GTF2F2: variants seen among roughly 807,000 people sequenced by gnomAD.
The protein encoded by GTF2F2 is general transcription factor IIF subunit 2.
In GTF2F2, 23 loss-of-function variants were observed where a neutral mutation model predicts 42.2. The observed-to-expected ratio is 0.55, with a 90% confidence interval of 0.39 to 0.77. The LOEUF is 0.77. Ranked by LOEUF, GTF2F2 falls within the 30% of genes least tolerant of loss-of-function variation. The pLI is 0.00. For synonymous variants in GTF2F2, 105 were observed against 100.8 expected, an observed-to-expected ratio of 1.04 and a Z score of -0.25; for missense variants, 261 against 287.2, an observed-to-expected ratio of 0.91 and a Z score of 0.66.
At chr13:45,220,561 G>A (rs894019329) in intron 5 of GTF2F2, among the ~76,000 whole-genome samples, 1 of 151,908 alleles carries the variant, frequency 6.6e-6, no homozygotes, top group Non-Finnish European at 1.5e-5. Flanking sequence ...GTGGAGGGAG[G>A]GCTCCCAGGC....
intron 4 of GTF2F2, among the ~76,000 whole-genome samples, chr13:45,204,581 C>G (rs1406430171): frequency 1.3e-5 from 2 of 152,088 alleles, no homozygotes; most frequent in Non-Finnish European, 2.9e-5. Context: ...AAATCTTAAG[C>G]AGTATTTTGA....
chr13:45,226,577 C>G (rs1210496548), intron 5 of GTF2F2, among the ~76,000 whole-genome samples: 3 of 151,950 alleles, frequency 2.0e-5, no homozygotes, highest in African/African-American at 7.2e-5. Flanking sequence ...CATTATTGTT[C>G]TTCTGTTTAA....
intron 5 of GTF2F2, among the ~76,000 whole-genome samples, chr13:45,233,998 T>C (rs1381313432): frequency 2.0e-5 from 3 of 152,168 alleles, no homozygotes; most frequent in Admixed American, 2.0e-4. Flanking sequence ...TGAATCAACC[T>C]CATCGTCTCC....
In GTF2F2 at chr13:45,267,383, A is replaced by G. The variant is rs757247090; in HGVS notation, c.630+7A>G. ...CATCACAAAGCAACCTGTGGTATGT[A>G]TATGTTCATACTGATCCTTTGAATA... On this transcript the variant is annotated splice_region_variant and intron_variant, in intron 7 of 7. Coordinates refer to ENST00000340473, the MANE Select transcript of GTF2F2 (RefSeq NM_004128.3). 25 of 1,582,592 alleles carry G rather than the reference A, an allele frequency of 1.6e-5. No homozygotes were observed. The highest frequency in any genetic ancestry group is 2.1e-5 in the Non-Finnish European group (24 of 1,156,884).
At chr13:45,280,376 T>A (rs1014266900) in intron 7 of GTF2F2, among the ~76,000 whole-genome samples, 12 of 152,234 alleles carry the variant, frequency 7.9e-5, no homozygotes, top group Non-Finnish European at 1.6e-4. Flanking sequence ...GATTTTCCCT[T>A]CAGAGACCTT....
chr13:45,237,578 A>T (rs1158150872), intron 5 of GTF2F2, among the ~76,000 whole-genome samples: 4 of 152,196 alleles, frequency 2.6e-5, no homozygotes, highest in African/African-American at 9.6e-5. Context: ...TTCTGTTATA[A>T]TTCTCATTGT....
rs1240740297 is a variant in GTF2F2, at chr13:45,144,088, C to T, written c.141-5682C>T. Among the ~76,000 whole-genome samples, 8 of 152,048 alleles carry T rather than the reference C, an allele frequency of 5.3e-5. 1 individual carries two copies. The highest frequency in any genetic ancestry group is 1.9e-4 in the African/African-American group (8 of 41,474). ...CCAACGTGGTGAAACCCCGTCTCTA[C>T]TAAAAATACAAAAATTAGCCAGATG... On this transcript the variant is annotated intron_variant, in intron 2 of 7. Coordinates refer to ENST00000340473, the MANE Select transcript of GTF2F2 (RefSeq NM_004128.3).
At chr13:45,133,965 AC>A (rs1422164684) in intron 1 of GTF2F2, among the ~76,000 whole-genome samples, 1 of 152,190 alleles carries the variant, frequency 6.6e-6, no homozygotes, top group Non-Finnish European at 1.5e-5. Context: ...CCACAAAAGT[AC>A]TAAGGAGAGA....
chr13:45,199,869 G>A (rs1466285888), intron 4 of GTF2F2, among the ~76,000 whole-genome samples: 7 of 152,162 alleles, frequency 4.6e-5, no homozygotes, highest in African/African-American at 1.7e-4. Context: ...ATCTGCTTGT[G>A]TCTTCAGTGA....
chr13:45,161,363 T>C (rs1871026684), intron 4 of GTF2F2, among the ~76,000 whole-genome samples: 1 of 152,188 alleles, frequency 6.6e-6, no homozygotes, highest in African/African-American at 2.4e-5. Context: ...CTTTGAAGAA[T>C]GCTAATTTAG....
At chr13:45,152,902 A>C (rs1463643014) in intron 4 of GTF2F2, among the ~76,000 whole-genome samples, 3 of 152,254 alleles carry the variant, frequency 2.0e-5, no homozygotes, top group Non-Finnish European at 4.4e-5. Context: ...TATTGACAAA[A>C]GAAAACATTT....
intron 4 of GTF2F2, among the ~76,000 whole-genome samples, chr13:45,191,224 A>ATATATATATATATAT (rs1555267736): frequency 3.5e-4 from 26 of 75,308 alleles, no homozygotes; most frequent in African/African-American, 2.6e-3. Flanking sequence ...ACAAAAAAAA[A>ATATATATATATATAT]ATATATATAT....
At chr13:45,207,390 A>G (rs770435825) in intron 4 of GTF2F2, 34 bp from the exon 5 acceptor site, 1 of 1,261,314 alleles carries the variant, frequency 7.9e-7, no homozygotes, top group South Asian at 1.2e-5. Context: ...AATGATAAGT[A>G]TTATCTCTGA....
intron 6 of GTF2F2, among the ~76,000 whole-genome samples, chr13:45,265,814 T>C (rs781046593): frequency 7.2e-5 from 11 of 152,228 alleles, no homozygotes; most frequent in Non-Finnish European, 1.3e-4. Flanking sequence ...AGTTTTTAAA[T>C]GTATCCCATT....
chr13:45,223,093 TGCCTATAGTCCCAGCTAC>T (rs1874182210), intron 5 of GTF2F2, among the ~76,000 whole-genome samples: 1 of 151,898 alleles, frequency 6.6e-6, no homozygotes, highest in Non-Finnish European at 1.5e-5. Flanking sequence ...GGGTGGTGTG[TGCCTATAGTCCCAGCTAC>T]GCCTGTAGTC....
intron 5 of GTF2F2, among the ~76,000 whole-genome samples, chr13:45,251,746 A>G (rs1875887243): frequency 6.6e-6 from 1 of 152,172 alleles, no homozygotes; most frequent in African/African-American, 2.4e-5. Context: ...ATCTATAAAT[A>G]ATAAACATAA....
intron 6 of GTF2F2, among the ~76,000 whole-genome samples, chr13:45,266,598 A>T (rs1351258997): frequency 6.6e-6 from 1 of 152,234 alleles, no homozygotes; most frequent in East Asian, 1.9e-4. Context: ...TACACGTTAG[A>T]GTTTTCGATC....
rs1460240735 is a variant in GTF2F2, at chr13:45,284,839, TAAG to T, written c.*1283_*1285del. The T allele has an allele frequency of 3.3e-5, 5 of 152,234 alleles. No individual in the cohort carries two copies. Among genetic ancestry groups the T allele is most frequent in the Admixed American group, 2.6e-4 (4 of 15,282 alleles). 9.4% of individuals were successfully genotyped at this position (152,234 alleles called of 1,614,324 possible). A position where few individuals can be genotyped will look rare whatever the true frequency, so the allele number is the denominator to read the frequency against. On this transcript the variant is annotated 3_prime_UTR_variant, in exon 8 of 8. Coordinates refer to ENST00000340473, the MANE Select transcript of GTF2F2 (RefSeq NM_004128.3). ...TAGAATTCTGAGATTGTTATAGCAC[TAAG>T]AAGATTTTTATTCTGTGTACACACT...
chr13:45,246,332 A>G (rs556260248), intron 5 of GTF2F2, among the ~76,000 whole-genome samples: 41 of 152,156 alleles, frequency 2.7e-4, no homozygotes, highest in Non-Finnish European at 5.0e-4. Flanking sequence ...TTTTTAAATT[A>G]TAGCCATTCT....
Sources: gnomAD v4.1 joint callset for allele counts (sites outside exome capture counted in the v4.1 genomes callset) on GRCh38, gnomAD v4.1.1 for gene constraint, MANE v1.5 for transcripts, NCBI Gene and HGNC (gene_info 2026-07-23, HGNC 2026-07-21) for gene names.